KEAP1: variants seen among roughly 807,000 people sequenced by gnomAD.
The protein encoded by KEAP1 is kelch-like ECH-associated protein 1.
In KEAP1, 26 loss-of-function variants were observed where a neutral mutation model predicts 59.7. The ratio of observed to expected loss-of-function variants is 0.44; its 90% CI spans 0.32 to 0.60. The LOEUF is 0.60. Ranked by LOEUF, KEAP1 falls within the 20% of genes least tolerant of loss-of-function variation. The pLI is 0.06. For missense variants in KEAP1, 539 were observed against 871.4 expected (o/e 0.62, Z 4.80); for synonymous variants, 350 against 358.3 (o/e 0.98, Z 0.26).
Position 10,486,544 on chromosome 19 carries a change from G to A in KEAP1, c.*108C>T, listed in dbSNP as rs1568395555. On this transcript the variant is annotated 3_prime_UTR_variant, in exon 6 of 6. Transcript: ENST00000171111. ...CTGAGGCATCCTGGCCTCCCTTCCC[G>A]GAAGATGGGTTATTTGCAGTGCTGT... The A allele has an allele frequency of 5.2e-6, 6 of 1,147,948 alleles. No individual in the cohort carries two copies. Among genetic ancestry groups the A allele is most frequent in the African/African-American group, 1.5e-5 (1 of 64,560 alleles). 71.1% of individuals were successfully genotyped at this position (1,147,948 alleles called of 1,614,324 possible). A position where few individuals can be genotyped will look rare whatever the true frequency, so the allele number is the denominator to read the frequency against.
chr19:10,496,608 C>A (rs1799494006), intron 2 of KEAP1, among the ~76,000 whole-genome samples: 1 of 151,910 alleles, frequency 6.6e-6, no homozygotes, highest in South Asian at 2.1e-4. Flanking sequence ...TCCAGACCAG[C>A]CTGGCCAACA....
At chr19:10,487,821 C>A (rs1471548295) in intron 5 of KEAP1, among the ~76,000 whole-genome samples, 1 of 151,266 alleles carries the variant, frequency 6.6e-6, no homozygotes, top group Non-Finnish European at 1.5e-5. Context: ...CATTGTGAAA[C>A]CCCGTCTCTA....
intron 5 of KEAP1, 22 bp downstream of exon 5, chr19:10,489,170 T>C (rs777552118): frequency 1.9e-6 from 3 of 1,600,394 alleles, no homozygotes. Flanking sequence ...GTCAGGACTC[T>C]TCCCCGCCCC....
chr19:10,486,771 G>A lies in KEAP1; in HGVS notation c.1756C>T (p.Pro586Ser), dbSNP rs1914474374. ...ACCTCGCTCCAGGTGTCTGTATCTG[G>A]GTCGTAACACTCCACACTGTCCAGG... is the stretch of plus-strand genomic sequence containing the variant. ...TFLDSVECYD[P>S]DTDTWSEVTR... is the part of the protein sequence containing the mutation. Residue 586 changes from proline to serine, a missense_variant, in exon 6 of 6, where the codon CCA (proline) becomes TCA (serine). Physicochemically the swap from Pro to Ser is moderately conservative, Grantham distance 74 (BLOSUM62 -1). This residue lies in a region of KEAP1 where 311 missense variants were observed against 425.2 expected (regional missense o/e 0.73). Coordinates refer to ENST00000171111, the MANE Select transcript of KEAP1 (RefSeq NM_203500.2). 1 of 1,614,056 alleles carries A rather than the reference G, an allele frequency of 6.2e-7. No homozygotes were observed. Among genetic ancestry groups the A allele is most frequent in the Non-Finnish European group, 8.5e-7 (1 of 1,180,008 alleles).
chr19:10,490,419 G>C (rs1192298038), intron 3 of KEAP1: 1 of 145,510 alleles, frequency 6.9e-6, no homozygotes, highest in African/African-American at 2.6e-5. Flanking sequence ...GGTTCAAGCA[G>C]TTATTCAGCC....
rs1424286701 is a variant in KEAP1, at chr19:10,492,023, G to A, written c.879C>T (p.Ser293=). 1.9e-6 allele frequency: 3 copies of A among 1,614,048 alleles called. No homozygotes were observed. The highest frequency in any genetic ancestry group is 1.3e-5 in the African/African-American group (1 of 75,068). The change falls in exon 3 of 6, where the codon TCC becomes TCT. Residue 293 remains serine (S), a synonymous_variant. Coordinates refer to ENST00000171111, the MANE Select transcript of KEAP1 (RefSeq NM_203500.2). ...MQLQKCEILQ[S]DSRCKDYLVK... is the part of the protein sequence containing the mutation. ...CCAGGTAGTCCTTGCAGCGGGAGTCGGACTGCAGGATCTCGCACTTCTGCA... is the reference window on the plus strand; with the variant it reads ...CCAGGTAGTCCTTGCAGCGGGAGTCAGACTGCAGGATCTCGCACTTCTGCA...
In KEAP1 at chr19:10,489,206, C is replaced by T. The variant is rs1395504672; in HGVS notation, c.1694G>A (p.Arg565Lys). 2 of 1,605,758 alleles carry T rather than the reference C, an allele frequency of 1.2e-6. No individual in the cohort carries two copies. The highest frequency in any genetic ancestry group is 1.7e-6 in the Non-Finnish European group (2 of 1,175,838). Reference protein sequence around the residue: ...SALGITVHQGRIYVLGGYDGH... With the variant: ...SALGITVHQGKIYVLGGYDGH... Reference sequence around the variant, plus strand: ...CAGGGCCTCACCAAGGACGTAGATTCTCCCCTGGTGGACAGTGATCCCCAG... The same window carrying T: ...CAGGGCCTCACCAAGGACGTAGATTTTCCCCTGGTGGACAGTGATCCCCAG... Residue 565 changes from arginine to lysine, a missense_variant, in exon 5 of 6, where the codon AGA becomes AAA. This residue lies in a region of KEAP1 where 311 missense variants were observed against 425.2 expected (regional missense o/e 0.73). Transcript: ENST00000171111.
Position 10,492,180 on chromosome 19 carries a change from C to G in KEAP1, c.722G>C (p.Cys241Ser), listed in dbSNP as rs2144604415. ...GCAGGCGTGGAAGACCTCGGACTCG[C>G]AGCGCACGTTCAGGTCGTCCCGGCT... Reference protein sequence around the residue: ...LISRDDLNVRCESEVFHACIN... With the variant: ...LISRDDLNVRSESEVFHACIN... The change falls in exon 3 of 6, where the codon TGC (cysteine) becomes TCC (serine). Residue 241 changes from cysteine to serine, a missense_variant. Coordinates refer to ENST00000171111, the MANE Select transcript of KEAP1 (RefSeq NM_203500.2). 4 of 1,614,064 alleles carry G rather than the reference C, an allele frequency of 2.5e-6. No homozygotes were observed. In the African/African-American group the frequency reaches 5.3e-5, roughly 22 times the overall value.
chr19:10,489,257 G>T lies in KEAP1; in HGVS notation c.1643C>A (p.Ala548Asp). ...GGCACTTCGCCGGTGCTTCATGGGG[G>T]CTACGAAAGTCCACGTCTCTGTTTC... The part of the protein sequence containing the change: ...DVETETWTFV[A>D]PMKHRRSALG... The change falls in exon 5 of 6, where the codon GCC becomes GAC. Residue 548 changes from alanine (A) to aspartate (D), a missense_variant. Ala to Asp is a moderately radical substitution (Grantham distance 126). This residue lies in a region of KEAP1 where 311 missense variants were observed against 425.2 expected (regional missense o/e 0.73). Coordinates refer to ENST00000171111, the MANE Select transcript of KEAP1 (RefSeq NM_203500.2). 8 of 1,613,144 alleles carry T rather than the reference G, an allele frequency of 5.0e-6. No homozygotes were observed. The highest frequency in any genetic ancestry group is 6.8e-6 in the Non-Finnish European group (8 of 1,179,948).
intron 2 of KEAP1, among the ~76,000 whole-genome samples, chr19:10,495,863 A>C (rs1161374518): frequency 6.6e-6 from 1 of 152,170 alleles, no homozygotes; most frequent in African/African-American, 2.4e-5. Context: ...AAGTAAGGCT[A>C]CTTCTAGGGT....
intron 2 of KEAP1, among the ~76,000 whole-genome samples, chr19:10,497,310 T>G (rs1914885006): frequency 6.6e-6 from 1 of 151,992 alleles, no homozygotes; most frequent in Non-Finnish European, 1.5e-5. Context: ...CAACCCCACA[T>G]GTAACATAGA....
At chr19:10,492,984 G>T (rs1455670610) in intron 2 of KEAP1, among the ~76,000 whole-genome samples, 1 of 150,380 alleles carries the variant, frequency 6.6e-6, no homozygotes, top group Non-Finnish European at 1.5e-5. Context: ...ACCATGCCCC[G>T]TTAATTTTTA....
chr19:10,493,351 A>T (rs1914741816), intron 2 of KEAP1, among the ~76,000 whole-genome samples: 1 of 151,124 alleles, frequency 6.6e-6, no homozygotes, highest in African/African-American at 2.4e-5. Flanking sequence ...TTTAGTAGAG[A>T]TGGGGTTTCA....
At chr19:10,493,230 C>T (rs1914734605) in intron 2 of KEAP1, among the ~76,000 whole-genome samples, 1 of 151,234 alleles carries the variant, frequency 6.6e-6, no homozygotes, top group Non-Finnish European at 1.5e-5. Flanking sequence ...GCGATCTCCG[C>T]TTGCTGCAAC....
chr19:10,488,661 G>C (rs541872808), intron 5 of KEAP1, among the ~76,000 whole-genome samples: 2 of 151,674 alleles, frequency 1.3e-5, no homozygotes, highest in Non-Finnish European at 2.9e-5. Flanking sequence ...GGCCGGGCGC[G>C]GTGGCTCATG....
At position 10,486,536 on chromosome 19, in the gene KEAP1, C is replaced by T; in HGVS notation, c.*116G>A. 9.4e-7 allele frequency: 1 copy of T among 1,063,738 alleles called. No homozygotes were observed. The allele number at this position is 1,063,738 out of a possible 1,614,324, so 65.9% of individuals were successfully genotyped here. On this transcript the variant is annotated 3_prime_UTR_variant, in exon 6 of 6. Coordinates refer to ENST00000171111, the MANE Select transcript of KEAP1 (RefSeq NM_203500.2). ...TTTTAACACTGAGGCATCCTGGCCT[C>T]CCTTCCCGGAAGATGGGTTATTTGC...
At position 10,487,675 on chromosome 19, in the gene KEAP1, T is replaced by C. The variant is rs573911900; in HGVS notation, c.1709-857A>G. 2.0e-5 allele frequency among the ~76,000 whole-genome samples: 3 copies of C among 149,144 alleles called. No individual in the cohort carries two copies. The East Asian group carries it at 6.0e-4, about 30-fold the overall frequency. On this transcript the variant is annotated intron_variant, in intron 5 of 5. Coordinates refer to ENST00000171111, the MANE Select transcript of KEAP1 (RefSeq NM_203500.2). ...ACCTCAAAATAAATAAATAAATAAA[T>C]AAACAAAAAATAAAAAAATAAAAAT...
chr19:10,489,003 G>A (rs1914570826), intron 5 of KEAP1, among the ~76,000 whole-genome samples, 189 bp downstream of exon 5: 1 of 149,724 alleles, frequency 6.7e-6, no homozygotes, highest in African/African-American at 2.4e-5. Flanking sequence ...GCTGAGGCAG[G>A]AGGATGGCTG....
In KEAP1 at chr19:10,491,897, G is replaced by A. The variant is rs528128832; in HGVS notation, c.1005C>T (p.Phe335=). 1 of 1,613,546 alleles carries A rather than the reference G, an allele frequency of 6.2e-7. No homozygotes were observed. The highest frequency in any genetic ancestry group is 2.2e-5 in the East Asian group (1 of 44,878). The part of the protein sequence containing the change: ...GRLIYTAGGY[F]RQSLSYLEAY... ...CCTCCAGGTAGCTGAGCGACTGTCG[G>A]AAGTAGCCGCCCGCGGTGTAGATCA... Residue 335 remains phenylalanine (F), a synonymous_variant, in exon 3 of 6, where the codon TTC becomes TTT. Transcript: ENST00000171111. The surrounding 1 kb of genome is among the most constrained non-coding windows in gnomAD (Gnocchi z 5.2).
Sources: gnomAD v4.1 joint callset for allele counts (sites outside exome capture counted in the v4.1 genomes callset) on GRCh38, gnomAD v4.1.1 for gene constraint, gnomAD v4.1.1 regional missense constraint, Gnocchi (gnomAD v3.1) non-coding constraint, MANE v1.5 for transcripts, NCBI Gene and HGNC (gene_info 2026-07-23, HGNC 2026-07-21) for gene names.